The following PTPN14 variants were observed in gnomAD, a reference collection of about 807,000 sequenced individuals.
PTPN14 encodes protein tyrosine phosphatase non-receptor type 14.
A neutral mutation model predicts 126.8 loss-of-function variants in PTPN14; 53 were observed. That is an observed-to-expected ratio of 0.42 (90% CI 0.34 to 0.53). The LOEUF (loss-of-function observed/expected upper bound fraction) is 0.53. PTPN14 is among the 20% of genes least tolerant of loss of function. The pLI, the probability that PTPN14 is intolerant of heterozygous loss-of-function variation, is 0.08. For missense variants in PTPN14, 1,257 were observed against 1,552.9 expected (o/e 0.81, Z 3.20); for synonymous variants, 630 against 599.3 (o/e 1.05, Z -0.75).
At chr1:214,409,249 C>T (rs1055326527) in intron 5 of PTPN14, among the ~76,000 whole-genome samples, 9 of 152,206 alleles carry the variant, frequency 5.9e-5, no homozygotes, top group African/African-American at 2.2e-4. Flanking sequence ...CAGCACTCAG[C>T]TTTGGTAACC....
At chr1:214,381,978 C>G (rs1191126225) in intron 13 of PTPN14, among the ~76,000 whole-genome samples, 1 of 152,040 alleles carries the variant, frequency 6.6e-6, no homozygotes, top group Non-Finnish European at 1.5e-5. Flanking sequence ...CATCTCGGCT[C>G]ACAGCAACCT....
intron 3 of PTPN14, among the ~76,000 whole-genome samples, chr1:214,429,587 T>C (rs1380063316): frequency 2.0e-5 from 3 of 152,208 alleles, no homozygotes; most frequent in Non-Finnish European, 4.4e-5. Context: ...ACCAGAAGTT[T>C]CCTTGTATAT....
intron 2 of PTPN14, among the ~76,000 whole-genome samples, chr1:214,462,706 T>C (rs4233302): frequency 0.83 from 126,118 of 152,178 alleles, 52,373 homozygotes; most frequent in African/African-American, 0.89. Flanking sequence ...GGACCACATT[T>C]GATATTAACT....
intron 15 of PTPN14, 77 bp downstream of exon 15, chr1:214,376,142 C>T (rs1258649302): frequency 1.5e-6 from 2 of 1,358,394 alleles, no homozygotes; most frequent in Non-Finnish European, 2.1e-6. Flanking sequence ...CTGCAGCCCA[C>T]ACATTTTCTT....
intron 1 of PTPN14, among the ~76,000 whole-genome samples, chr1:214,480,750 C>T (rs911423278): frequency 1.3e-5 from 2 of 152,202 alleles, no homozygotes; most frequent in African/African-American, 4.8e-5. Context: ...TTGGCCCAAA[C>T]ATCAAATGAC....
rs1018842527 is a variant in PTPN14, at chr1:214,350,647, T to G, written c.*7275A>C. ...CCTCCACCTCCCGGGTTCAAGCAAT[T>G]ATCCTGCCTCAGCCTCCTGAGTAGC... On this transcript the variant is annotated 3_prime_UTR_variant, in exon 19 of 19. Coordinates refer to ENST00000366956, the MANE Select transcript of PTPN14 (RefSeq NM_005401.5). 5 of 149,136 alleles carry G rather than the reference T, an allele frequency of 3.4e-5. No homozygotes were observed. Among genetic ancestry groups the G allele is most frequent in the Non-Finnish European group, 7.4e-5 (5 of 67,676 alleles). 9.2% of individuals were successfully genotyped at this position (149,136 alleles called of 1,614,324 possible).
chr1:214,412,087 C>A (rs1276645047), intron 4 of PTPN14, among the ~76,000 whole-genome samples: 3 of 152,120 alleles, frequency 2.0e-5, no homozygotes, highest in African/African-American at 7.2e-5. Flanking sequence ...GCCAAGAGGA[C>A]TTTTTAACTC....
intron 1 of PTPN14, among the ~76,000 whole-genome samples, chr1:214,502,133 C>T (rs116447869): frequency 0.01 from 1,540 of 150,420 alleles, 22 homozygotes; most frequent in African/African-American, 0.036. Context: ...CAAAAAGTTG[C>T]ATATATTTAA....
In PTPN14 at chr1:214,355,247, A is replaced by G. The variant is rs1224556318; in HGVS notation, c.*2675T>C. On this transcript the variant is annotated 3_prime_UTR_variant, in exon 19 of 19. Transcript: ENST00000366956. Reference sequence around the variant, plus strand: ...CAGGGACAGTGGATGAATTTCAGGGAAGCCCATGAGCTCTGACGACCTCAA... The same window carrying G: ...CAGGGACAGTGGATGAATTTCAGGGGAGCCCATGAGCTCTGACGACCTCAA... 1 of 152,224 alleles carries G rather than the reference A, an allele frequency of 6.6e-6. No individual in the cohort carries two copies. Among genetic ancestry groups the G allele is most frequent in the African/African-American group, 2.4e-5 (1 of 41,468 alleles). 9.4% of individuals were successfully genotyped at this position (152,224 alleles called of 1,614,324 possible).
At chr1:214,509,713 C>G (rs1041012547) in intron 1 of PTPN14, among the ~76,000 whole-genome samples, 2 of 152,174 alleles carry the variant, frequency 1.3e-5, no homozygotes, top group African/African-American at 4.8e-5. Flanking sequence ...GCACTATTCA[C>G]AATAGCAAAG....
chr1:214,438,608 T>G (rs949320434), intron 3 of PTPN14, among the ~76,000 whole-genome samples: 5 of 152,188 alleles, frequency 3.3e-5, no homozygotes, highest in African/African-American at 1.2e-4. Flanking sequence ...GAGTTTCTAG[T>G]AGGGTATGGT....
At chr1:214,466,142 A>C (rs1660632444) in intron 1 of PTPN14, among the ~76,000 whole-genome samples, 1 of 151,138 alleles carries the variant, frequency 6.6e-6, no homozygotes, top group South Asian at 2.1e-4. Flanking sequence ...TTTTATTTTT[A>C]ATAGAGCCGG....
At chr1:214,453,122 A>G (rs2102636571) in intron 2 of PTPN14, among the ~76,000 whole-genome samples, 1 of 152,298 alleles carries the variant, frequency 6.6e-6, no homozygotes, top group East Asian at 1.9e-4. Context: ...TTACTTTGAG[A>G]TGGGGGTAAT....
At chr1:214,542,198 T>C (rs567764378) in intron 1 of PTPN14, among the ~76,000 whole-genome samples, 5 of 152,172 alleles carry the variant, frequency 3.3e-5, no homozygotes, top group Admixed American at 2.6e-4. Context: ...TGTATATATG[T>C]AGTAAAGGTA....
In PTPN14 at chr1:214,464,913, C is replaced by A. The variant is rs1027745399; in HGVS notation, c.-110G>T. On this transcript the variant is annotated 5_prime_UTR_variant, in exon 2 of 19. Coordinates refer to ENST00000366956, the MANE Select transcript of PTPN14 (RefSeq NM_005401.5). ...ACACTATCACCTGTGCTCCTCCAGG[C>A]AGGGAAAAGGGTGTCCATGCCCAGT... The A allele has an allele frequency of 3.6e-6, 5 of 1,392,534 alleles. No homozygotes were observed. Among genetic ancestry groups the A allele is most frequent in the Non-Finnish European group, 4.9e-6 (5 of 1,024,738 alleles). 86.3% of individuals were successfully genotyped at this position (1,392,534 alleles called of 1,614,324 possible). A position where few individuals can be genotyped will look rare whatever the true frequency, so the allele number is the denominator to read the frequency against.
chr1:214,438,536 GT>G (rs1659969865), intron 3 of PTPN14, among the ~76,000 whole-genome samples: 1 of 152,194 alleles, frequency 6.6e-6, no homozygotes, highest in African/African-American at 2.4e-5. Flanking sequence ...CAAATCATTT[GT>G]TTTGAGGGAG....
intron 1 of PTPN14, among the ~76,000 whole-genome samples, chr1:214,469,835 T>C (rs1296437343): frequency 6.6e-6 from 1 of 151,690 alleles, no homozygotes; most frequent in East Asian, 1.9e-4. Context: ...GGCGGGGGTA[T>C]GTGGGAAATC....
At position 214,384,591 on chromosome 1, in the gene PTPN14, G is replaced by T; in HGVS notation, c.1264C>A (p.Arg422=). 5 of 1,614,152 alleles carry T rather than the reference G, an allele frequency of 3.1e-6. No individual in the cohort carries two copies. Among genetic ancestry groups the T allele is most frequent in the African/African-American group, 1.3e-5 (1 of 75,016 alleles). The change falls in exon 13 of 19, where the codon CGG becomes AGG. Residue 422 remains arginine, a synonymous_variant. Transcript: ENST00000366956. The surrounding 1 kb of genome is among the most constrained non-coding windows in gnomAD (Gnocchi z 5.3). The part of the protein sequence containing the change: ...NLSIPGSDIM[R]ADYIPSHRHS... The stretch of plus-strand genomic sequence containing the variant: ...CGGTGGCTCGGGATGTAGTCGGCCC[G>T]CATGATGTCACTCCCAGGGATACTG...
chr1:214,407,229 A>T (rs1659191306), intron 5 of PTPN14, among the ~76,000 whole-genome samples: 1 of 152,226 alleles, frequency 6.6e-6, no homozygotes, highest in Non-Finnish European at 1.5e-5. Context: ...GGAGGGAAAT[A>T]AAATAAGAAT....
Sources: allele counts gnomAD v4.1 joint callset (sites outside exome capture counted in the v4.1 genomes callset), GRCh38; gene constraint gnomAD v4.1.1; non-coding constraint Gnocchi (gnomAD v3.1); transcripts MANE v1.5; gene names NCBI Gene and HGNC (gene_info 2026-07-23, HGNC 2026-07-21).